Variants in IPCEF1 observed in about 807,000 individuals in gnomAD.
IPCEF1 encodes interactor protein for cytohesin exchange factors 1.
IPCEF1 carries 31 observed loss-of-function variants against 50.9 expected under a neutral mutation model. The observed-to-expected ratio is 0.61, with a 90% CI of 0.46 to 0.82. IPCEF1 has a LOEUF of 0.82. Among genes scored for constraint, IPCEF1 ranks in the 40% least tolerant of loss-of-function variants. IPCEF1 has a pLI of 0.00. For synonymous variants in IPCEF1, 181 were observed against 192.0 expected, an observed-to-expected ratio of 0.94 and a Z score of 0.47; for missense variants, 458 against 514.0, an observed-to-expected ratio of 0.89 and a Z score of 1.05.
intron 10 of IPCEF1, among the ~76,000 whole-genome samples, chr6:154,180,974 G>A (rs951945573): frequency 3.9e-5 from 6 of 152,042 alleles, no homozygotes; most frequent in Admixed American, 1.3e-4. Flanking sequence ...TTGTCACCAA[G>A]AGAAGAAAAA....
intron 3 of IPCEF1, among the ~76,000 whole-genome samples, chr6:154,264,398 G>A (rs1781699382): frequency 6.6e-6 from 1 of 151,894 alleles, no homozygotes; most frequent in African/African-American, 2.4e-5. Flanking sequence ...AATTGAGATG[G>A]AGTAACCCTT....
chr6:154,177,910 CTAGA>C (rs1255870834), intron 10 of IPCEF1, among the ~76,000 whole-genome samples: 13 of 152,120 alleles, frequency 8.5e-5, no homozygotes, highest in African/African-American at 2.9e-4. Flanking sequence ...CAATAATAGA[CTAGA>C]TAAAGACAAT....
At chr6:154,180,962 A>G (rs1476078509) in intron 10 of IPCEF1, among the ~76,000 whole-genome samples, 1 of 152,142 alleles carries the variant, frequency 6.6e-6, no homozygotes, top group African/African-American at 2.4e-5. Context: ...CGTGGAAGGC[A>G]CTTGTCACCA....
At chr6:154,345,957 C>G (rs1199214088) in intron 1 of IPCEF1, among the ~76,000 whole-genome samples, 1 of 152,100 alleles carries the variant, frequency 6.6e-6, no homozygotes, top group Non-Finnish European at 1.5e-5. Flanking sequence ...ACTCCACCTC[C>G]CAGGCTCAAG....
At position 154,159,805 on chromosome 6, in the gene IPCEF1, G is replaced by A. The variant is rs1798861319; in HGVS notation, c.*23C>T. 2 of 1,559,162 alleles carry A rather than the reference G, an allele frequency of 1.3e-6. No individual in the cohort carries two copies. Among genetic ancestry groups the A allele is most frequent in the African/African-American group, 1.4e-5 (1 of 73,364 alleles). On this transcript the variant is annotated 3_prime_UTR_variant, in exon 12 of 12. Transcript: ENST00000367220. ...AAGAGTTGCTTGTGATAAAATATAA[G>A]AGGAGAAAACCCTGACTTTGTCTCA...
At chr6:154,238,456 G>A (rs751757065) in intron 5 of IPCEF1, among the ~76,000 whole-genome samples, 3 of 151,956 alleles carry the variant, frequency 2.0e-5, no homozygotes, top group Non-Finnish European at 4.4e-5. Flanking sequence ...AATACAGACA[G>A]GGTTTCTCCA....
chr6:154,354,490 A>ACCACCACCTCCACCATCTCCC (rs1784179363), intron 1 of IPCEF1, among the ~76,000 whole-genome samples: 1 of 25,964 alleles, frequency 3.9e-5, no homozygotes, highest in African/African-American at 2.3e-4. Flanking sequence ...CACCATCTCT[A>ACCACCACCTCCACCATCTCCC]CCGTCACTTC....
At chr6:154,252,452 G>A (rs1033280756) in intron 3 of IPCEF1, among the ~76,000 whole-genome samples, 3 of 152,132 alleles carry the variant, frequency 2.0e-5, no homozygotes, top group South Asian at 2.1e-4. Flanking sequence ...CAGGGTGGGC[G>A]GATCACGAGA....
chr6:154,180,416 T>TATATA lies in IPCEF1; in HGVS notation c.911-12304_911-12303insTATAT, dbSNP rs1562526757. Among the ~76,000 whole-genome samples the TATATA allele has an allele frequency of 1.7e-3, 89 of 51,090 alleles. 1 individual carries two copies. In the Middle Eastern group the frequency reaches 0.035, roughly 20 times the overall value. The allele number at this position is 51,090 out of a possible 152,430, so 33.5% of individuals were successfully genotyped here. ...TATATATATATATATATATATATAT[T>TATATA]TTTTTTTTAAACATGATCCTTCTTG... On this transcript the variant is annotated intron_variant, in intron 10 of 11. Transcript: ENST00000367220.
chr6:154,323,854 G>A (rs2128689167), intron 1 of IPCEF1, among the ~76,000 whole-genome samples: 1 of 152,362 alleles, frequency 6.6e-6, no homozygotes, highest in African/African-American at 2.4e-5. Context: ...TCGGGAGGCT[G>A]AGGCAAGAGA....
chr6:154,319,347 A>C (rs1251840618), intron 1 of IPCEF1, among the ~76,000 whole-genome samples: 1 of 152,198 alleles, frequency 6.6e-6, no homozygotes, highest in East Asian at 1.9e-4. Context: ...TTAAATATTT[A>C]CACATATACA....
chr6:154,262,501 G>A (rs1781625848), intron 3 of IPCEF1, among the ~76,000 whole-genome samples: 1 of 152,162 alleles, frequency 6.6e-6, no homozygotes, highest in South Asian at 2.1e-4. Context: ...GGATAGGTAA[G>A]GGTAGGTAAT....
chr6:154,335,844 A>C (rs1783777022), intron 1 of IPCEF1, among the ~76,000 whole-genome samples: 1 of 152,226 alleles, frequency 6.6e-6, no homozygotes, highest in South Asian at 2.1e-4. Flanking sequence ...AAGGACATGA[A>C]TAGACATTCT....
At chr6:154,293,746 C>A (rs141462150) in intron 1 of IPCEF1, among the ~76,000 whole-genome samples, 1 of 152,330 alleles carries the variant, frequency 6.6e-6, no homozygotes, top group African/African-American at 2.4e-5. Flanking sequence ...AAACTCTCTA[C>A]TTTAATCCCA....
At chr6:154,269,106 T>G (rs1393992101) in intron 2 of IPCEF1, among the ~76,000 whole-genome samples, 1 of 152,208 alleles carries the variant, frequency 6.6e-6, no homozygotes, top group African/African-American at 2.4e-5. Context: ...CCTCAGTCTC[T>G]GTAGGCAGGG....
intron 1 of IPCEF1, among the ~76,000 whole-genome samples, chr6:154,292,767 C>A (rs1206803485): frequency 1.3e-5 from 2 of 152,070 alleles, no homozygotes; most frequent in South Asian, 2.1e-4. Flanking sequence ...AGAGTTAAAC[C>A]AGAAACAGTG....
At chr6:154,324,582 C>T (rs988992491) in intron 1 of IPCEF1, among the ~76,000 whole-genome samples, 1 of 151,398 alleles carries the variant, frequency 6.6e-6, no homozygotes, top group Non-Finnish European at 1.5e-5. Flanking sequence ...CCAAGGCGGG[C>T]AGATCACCTG....
chr6:154,174,404 G>C (rs1472214294), intron 10 of IPCEF1, among the ~76,000 whole-genome samples: 2 of 152,100 alleles, frequency 1.3e-5, no homozygotes, highest in Non-Finnish European at 2.9e-5. Context: ...AGACCCATCA[G>C]TGTGCTATAT....
In IPCEF1 at chr6:154,199,800, C is replaced by T. The variant is rs1186834195; in HGVS notation, c.778G>A (p.Glu260Lys). 6.2e-7 allele frequency: 1 copy of T among 1,614,174 alleles called. No individual in the cohort carries two copies. Among genetic ancestry groups the T allele is most frequent in the East Asian group, 2.2e-5 (1 of 44,888 alleles). ...PSEAGIHKALENSFVTSESGF... is the reference protein window; with the variant it reads ...PSEAGIHKALKNSFVTSESGF... ...CTTTCTGATGTGACAAAACTGTTTT[C>T]CAGGGCCTTGTGGATGCCTGCCTCT... Residue 260 changes from glutamate (E) to lysine (K), a missense_variant, in exon 10 of 12, where the codon GAA (glutamate) becomes AAA (lysine). Physicochemically the swap from Glu to Lys is moderately conservative, Grantham distance 56. Transcript: ENST00000367220.
Sources: allele counts gnomAD v4.1 joint callset (sites outside exome capture counted in the v4.1 genomes callset), GRCh38; gene constraint gnomAD v4.1.1; transcripts MANE v1.5; gene names NCBI Gene and HGNC (gene_info 2026-07-23, HGNC 2026-07-21).